The following SHISA9 variants were observed in gnomAD, a reference collection of about 807,000 sequenced individuals.
SHISA9 encodes the protein shisa family member 9.
In SHISA9, 13 loss-of-function variants were observed where a neutral mutation model predicts 38.0. The ratio of observed to expected loss-of-function variants is 0.34; its 90% CI spans 0.22 to 0.54. SHISA9 has a LOEUF of 0.54. Ranked by LOEUF, SHISA9 falls within the 20% of genes least tolerant of loss-of-function variation. The pLI, the probability that SHISA9 is intolerant of heterozygous loss-of-function variation, is 0.91. For synonymous variants in SHISA9, 275 were observed against 242.0 expected (o/e 1.14, Z -1.27); for missense variants, 538 against 575.8 (o/e 0.93, Z 0.67).
chr16:13,440,576 G>A, the SHISA9 span, among the ~76,000 whole-genome samples: 1 of 152,178 alleles, frequency 6.6e-6, no homozygotes, highest in African/African-American at 2.4e-5. Context: ...TCTGCTCTGA[G>A]CTTCTTTTCT....
rs117311125 is a variant in SHISA9, at chr16:13,027,354, C to T, written c.691+110539C>T. ...CCAGGAATCTAGCTAGTTAGAGGTG[C>T]CCCAAAGAGGCTGCTTTTTGTTTCT... On this transcript the variant is annotated intron_variant, in intron 2 of 4. Coordinates refer to ENST00000558583, the MANE Select transcript of SHISA9 (RefSeq NM_001145204.3). 3.1e-3 allele frequency among the ~76,000 whole-genome samples: 479 copies of T among 152,232 alleles called. 3 individuals carry two copies. The highest frequency in any genetic ancestry group is 5.9e-3 in the Non-Finnish European group (398 of 68,012).
chr16:12,921,249 A>G (rs1422664221), intron 2 of SHISA9, among the ~76,000 whole-genome samples: 1 of 152,248 alleles, frequency 6.6e-6, no homozygotes, highest in Non-Finnish European at 1.5e-5. Context: ...GTTTTAGAAC[A>G]TAAAATCCAT....
At chr16:13,340,305 G>A in the SHISA9 span, among the ~76,000 whole-genome samples, 11 of 151,988 alleles carry the variant, frequency 7.2e-5, no homozygotes, top group African/African-American at 1.5e-4. Context: ...TGCCTTTTTC[G>A]CTCCCCAGAT....
chr16:13,001,103 T>G (rs1380573509), intron 2 of SHISA9, among the ~76,000 whole-genome samples: 2 of 152,210 alleles, frequency 1.3e-5, no homozygotes, highest in Non-Finnish European at 2.9e-5. Flanking sequence ...AATTTTTGTA[T>G]TTTTAGTAGA....
the SHISA9 span, among the ~76,000 whole-genome samples, chr16:13,510,181 A>G: frequency 1.3e-5 from 2 of 152,058 alleles, no homozygotes; most frequent in African/African-American, 2.4e-5. Flanking sequence ...GGTGGCAGGC[A>G]CCTGTAATCC....
the SHISA9 span, among the ~76,000 whole-genome samples, chr16:13,528,427 GA>G: frequency 1.3e-5 from 2 of 151,408 alleles, no homozygotes; most frequent in East Asian, 1.9e-4. Context: ...AAAAAAATAA[GA>G]AAAAAAGTCC....
chr16:13,370,907 C>G, the SHISA9 span, among the ~76,000 whole-genome samples: 2 of 152,210 alleles, frequency 1.3e-5, no homozygotes, highest in African/African-American at 4.8e-5. Context: ...TTGCTGGGCA[C>G]TTTTCTTAGT....
rs905937789 is a variant in SHISA9, at chr16:13,239,914, C to G, written c.*4505C>G. 2 of 152,218 alleles carry G rather than the reference C, an allele frequency of 1.3e-5. No homozygotes were observed. The highest frequency in any genetic ancestry group is 2.9e-5 in the Non-Finnish European group (2 of 68,060). The allele number at this position is 152,218 out of a possible 1,614,324, so 9.4% of individuals were successfully genotyped here. A position where few individuals can be genotyped will look rare whatever the true frequency, so the allele number is the denominator to read the frequency against. On this transcript the variant is annotated 3_prime_UTR_variant, in exon 5 of 5. Coordinates refer to ENST00000558583, the MANE Select transcript of SHISA9 (RefSeq NM_001145204.3). ...TCACAATATGGAAAGACGGGACAAC[C>G]TATGGAACTATCTGTGACTTCCATG...
At chr16:12,917,368 G>A (rs2071272095) in intron 2 of SHISA9, among the ~76,000 whole-genome samples, 1 of 152,020 alleles carries the variant, frequency 6.6e-6, no homozygotes, top group South Asian at 2.1e-4. Flanking sequence ...TGCAGGGAGT[G>A]GTTATTGAAT....
the SHISA9 span, among the ~76,000 whole-genome samples, chr16:13,399,670 G>A: frequency 6.6e-6 from 1 of 152,328 alleles, no homozygotes; most frequent in Admixed American, 6.5e-5. Context: ...CTTCACCGCT[G>A]CTTATCCCAG....
chr16:13,560,854 C>T, the SHISA9 span, among the ~76,000 whole-genome samples: 94 of 151,248 alleles, frequency 6.2e-4, no homozygotes, highest in Non-Finnish European at 1.3e-3. Context: ...TTATTCTTAA[C>T]AACTTTTTTT....
the SHISA9 span, among the ~76,000 whole-genome samples, chr16:13,461,440 G>A: frequency 2.0e-5 from 3 of 151,920 alleles, no homozygotes; most frequent in Non-Finnish European, 4.4e-5. Context: ...TTAGCCGGAC[G>A]TGGTGGCACA....
chr16:13,306,207 G>A, the SHISA9 span, among the ~76,000 whole-genome samples: 1 of 152,180 alleles, frequency 6.6e-6, no homozygotes, highest in African/African-American at 2.4e-5. Context: ...CAGGAAATGG[G>A]GTTATCATAA....
chr16:13,205,531 C>G (rs1360032752), intron 3 of SHISA9, among the ~76,000 whole-genome samples: 1 of 152,168 alleles, frequency 6.6e-6, no homozygotes, highest in Non-Finnish European at 1.5e-5. Context: ...ATCTGTGTAG[C>G]CTTGGGCAAC....
chr16:13,437,728 C>T, the SHISA9 span, among the ~76,000 whole-genome samples: 1 of 152,160 alleles, frequency 6.6e-6, no homozygotes, highest in African/African-American at 2.4e-5. Context: ...GCTTTTTTCC[C>T]CCAGATGATC....
intron 2 of SHISA9, among the ~76,000 whole-genome samples, chr16:13,008,884 T>A (rs2072635038): frequency 6.6e-6 from 1 of 152,090 alleles, no homozygotes; most frequent in South Asian, 2.1e-4. Flanking sequence ...AAGAAATGTT[T>A]GATGACTGAC....
chr16:13,145,370 C>CA (rs896922903), intron 2 of SHISA9, among the ~76,000 whole-genome samples: 6 of 151,988 alleles, frequency 3.9e-5, no homozygotes, highest in South Asian at 2.1e-4. Context: ...ACTAAAAATA[C>CA]AAAAAAATTA....
intron 2 of SHISA9, among the ~76,000 whole-genome samples, chr16:13,040,188 A>G (rs896671354): frequency 2.0e-5 from 3 of 152,090 alleles, no homozygotes; most frequent in Non-Finnish European, 4.4e-5. Flanking sequence ...TCCACCTGCA[A>G]ACTCCTCTCT....
chr16:13,218,222 T>C (rs937884761), intron 4 of SHISA9, among the ~76,000 whole-genome samples: 1 of 152,164 alleles, frequency 6.6e-6, no homozygotes, highest in African/African-American at 2.4e-5. Context: ...CCAGAATCAC[T>C]GGAGACGCTT....
Sources: allele counts gnomAD v4.1 joint callset (sites outside exome capture counted in the v4.1 genomes callset), GRCh38; gene constraint gnomAD v4.1.1; transcripts MANE v1.5; gene names NCBI Gene and HGNC (gene_info 2026-07-23, HGNC 2026-07-21).